Variants in CUL3 observed in about 807,000 individuals in gnomAD.
CUL3 encodes cullin-3.
CUL3 carries 19 observed loss-of-function variants against 89.1 expected under a neutral mutation model. That is an observed-to-expected ratio of 0.21 (90% CI 0.15 to 0.31). The LOEUF (loss-of-function observed/expected upper bound fraction) is 0.31. Among genes scored for constraint, CUL3 ranks in the 10% least tolerant of loss-of-function variants. The pLI is 1.00. For synonymous variants in CUL3, 351 were observed against 308.4 expected, an observed-to-expected ratio of 1.14 and a Z score of -1.45; for missense variants, 469 against 942.3, an observed-to-expected ratio of 0.50 and a Z score of 6.58.
chr2:224,494,463 A>C (rs1692092392), intron 13 of CUL3, among the ~76,000 whole-genome samples: 1 of 152,166 alleles, frequency 6.6e-6, no homozygotes, highest in South Asian at 2.1e-4. Flanking sequence ...CATATTATAA[A>C]ATTAGTTACT....
intron 5 of CUL3, among the ~76,000 whole-genome samples, chr2:224,512,158 C>T (rs1449096768): frequency 4.0e-5 from 6 of 151,646 alleles, no homozygotes; most frequent in South Asian, 2.1e-4. Flanking sequence ...TGCAGTGGCG[C>T]GATCTCAGCT....
intron 15 of CUL3, among the ~76,000 whole-genome samples, chr2:224,475,787 C>T (rs1025102053): frequency 3.3e-5 from 5 of 152,162 alleles, no homozygotes; most frequent in African/African-American, 1.2e-4. Context: ...TCAACAGGAC[C>T]TTCTACTCCT....
At chr2:224,569,779 C>A in intron 1 of CUL3, 2 of 1,176,352 alleles carry the variant, frequency 1.7e-6, no homozygotes. Context: ...ACATCTACTA[C>A]ATACAAAGGA....
chr2:224,555,707 T>C (rs1694673210), intron 2 of CUL3, among the ~76,000 whole-genome samples: 1 of 152,204 alleles, frequency 6.6e-6, no homozygotes, highest in Non-Finnish European at 1.5e-5. Flanking sequence ...TTTCACAACA[T>C]CTGCCATCAT....
chr2:224,555,168 T>A (rs1694655227), intron 2 of CUL3, among the ~76,000 whole-genome samples: 1 of 152,132 alleles, frequency 6.6e-6, no homozygotes, highest in South Asian at 2.1e-4. Flanking sequence ...GCAAAATGAT[T>A]TCTAAGGTAT....
rs1553521389 is a variant in CUL3 at position 224,503,678 on chromosome 2, CAG to C, written c.1349_1350del (p.Ser450Ter). 1 of 1,591,370 alleles carries C rather than the reference CAG, an allele frequency of 6.3e-7. No individual in the cohort carries two copies. The highest frequency in any genetic ancestry group is 8.5e-7 in the Non-Finnish European group (1 of 1,172,880). Reference sequence around the variant, plus strand: ...TTTAACTTAGATATCATGTTTTTTTCAGAGTCATCAGAAACACTTTTATTTGT... The same window carrying C: ...TTTAACTTAGATATCATGTTTTTTTCAGTCATCAGAAACACTTTTATTTGT... ...LLTNKSVSDD[S>X]EKNMISKLKT... On this transcript the variant is annotated frameshift_variant, in exon 9 of 16. Transcript: ENST00000264414. LOFTEE classifies it high-confidence loss of function.
chr2:224,520,436 G>A (rs1389499973), intron 3 of CUL3, among the ~76,000 whole-genome samples: 1 of 152,138 alleles, frequency 6.6e-6, no homozygotes, highest in African/African-American at 2.4e-5. Context: ...TGTAACATAA[G>A]CACTTCATTT....
At position 224,495,900 on chromosome 2, in the gene CUL3, A is replaced by G; in HGVS notation, c.1774T>C (p.Leu592=). Residue 592 remains leucine (L), a synonymous_variant, in exon 13 of 16, where the codon TTG becomes CTG. Coordinates refer to ENST00000264414, the MANE Select transcript of CUL3 (RefSeq NM_003590.5). The stretch of plus-strand genomic sequence containing the variant: ...GTCATCTGGAAAGTGGAAACTTGCA[A>G]TATGTGCTTCCGTGTATTAGAGCCA... The part of the protein sequence containing the change: ...VTGSNTRKHI[L]QVSTFQMTIL... The G allele has an allele frequency of 1.9e-6, 3 of 1,613,836 alleles. No individual in the cohort carries two copies. Among genetic ancestry groups the G allele is most frequent in the Non-Finnish European group, 2.5e-6 (3 of 1,179,712 alleles).
At chr2:224,478,394 GT>G (rs1691401338) in intron 14 of CUL3, 49 bp from the exon 15 acceptor site, 1 of 1,562,688 alleles carries the variant, frequency 6.4e-7, no homozygotes, top group African/African-American at 1.4e-5. Flanking sequence ...TTAAAATTTG[GT>G]TTATAAGCAA....
At chr2:224,545,105 G>C (rs1306831231) in intron 2 of CUL3, among the ~76,000 whole-genome samples, 1 of 151,986 alleles carries the variant, frequency 6.6e-6, no homozygotes, top group African/African-American at 2.4e-5. Context: ...AATACATATA[G>C]CAATCTTAAG....
intron 15 of CUL3, among the ~76,000 whole-genome samples, chr2:224,475,238 C>T (rs535437547): frequency 1.3e-5 from 2 of 152,256 alleles, no homozygotes; most frequent in African/African-American, 4.8e-5. Flanking sequence ...AGGATGGTCT[C>T]GATCTCCTGA....
intron 1 of CUL3, among the ~76,000 whole-genome samples, chr2:224,576,275 T>A (rs1322235390): frequency 2.6e-5 from 4 of 152,046 alleles, no homozygotes; most frequent in African/African-American, 9.7e-5. Flanking sequence ...CGAAGAACAG[T>A]CATGGTGGAG....
chr2:224,561,050 T>C (rs1250801878), intron 1 of CUL3, among the ~76,000 whole-genome samples: 7 of 152,326 alleles, frequency 4.6e-5, no homozygotes, highest in Admixed American at 2.6e-4. Context: ...AGTGAAGTTT[T>C]AAATGCCCAC....
intron 3 of CUL3, among the ~76,000 whole-genome samples, chr2:224,519,930 A>C (rs1693201428): frequency 1.3e-5 from 2 of 152,116 alleles, no homozygotes; most frequent in South Asian, 4.1e-4. Flanking sequence ...AATCATTCCA[A>C]AAGAGAAAAA....
intron 6 of CUL3, among the ~76,000 whole-genome samples, chr2:224,510,808 C>T (rs546826980): frequency 6.6e-6 from 1 of 152,258 alleles, no homozygotes; most frequent in African/African-American, 2.4e-5. Context: ...TACTTTTATG[C>T]ACTCCTCCTT....
chr2:224,554,524 T>A (rs1430472242), intron 2 of CUL3, among the ~76,000 whole-genome samples: 1 of 152,194 alleles, frequency 6.6e-6, no homozygotes, highest in African/African-American at 2.4e-5. Flanking sequence ...TAAAGCCACA[T>A]TGCCTGAATT....
intron 14 of CUL3, among the ~76,000 whole-genome samples, chr2:224,481,327 C>T (rs977836194): frequency 2.0e-5 from 3 of 151,742 alleles, no homozygotes; most frequent in Non-Finnish European, 4.4e-5. Context: ...TTTAAATACA[C>T]AGAAAACAAG....
chr2:224,502,584 A>G (rs1264038349), intron 10 of CUL3, among the ~76,000 whole-genome samples: 1 of 152,198 alleles, frequency 6.6e-6, no homozygotes, highest in Non-Finnish European at 1.5e-5. Flanking sequence ...TCAGGTGACT[A>G]TCCCAAGATG....
chr2:224,549,803 C>T (rs1694441494), intron 2 of CUL3, among the ~76,000 whole-genome samples: 2 of 152,204 alleles, frequency 1.3e-5, no homozygotes, highest in South Asian at 2.1e-4. Context: ...CTAATTATTA[C>T]TATTTCTAAA....
Sources: allele counts gnomAD v4.1 joint callset (sites outside exome capture counted in the v4.1 genomes callset), GRCh38; gene constraint gnomAD v4.1.1; transcripts MANE v1.5; gene names NCBI Gene and HGNC (gene_info 2026-07-23, HGNC 2026-07-21).